The following CAMTA1 variants were observed in gnomAD, a reference collection of about 807,000 sequenced individuals.
CAMTA1 encodes calmodulin-binding transcription activator 1.
In CAMTA1, 27 loss-of-function variants were observed where a neutral mutation model predicts 170.9. That is an observed-to-expected ratio of 0.16 (90% CI 0.12 to 0.22). CAMTA1 has a LOEUF of 0.22. CAMTA1 is among the 10% of genes least tolerant of loss of function. CAMTA1 has a pLI of 1.00. For missense variants in CAMTA1, 1,619 were observed against 2,217.2 expected (o/e 0.73, Z 5.42); for synonymous variants, 833 against 891.5 (o/e 0.93, Z 1.17).
At chr1:7,107,277 C>CGT (rs767461350) in intron 4 of CAMTA1, among the ~76,000 whole-genome samples, 3 of 14,044 alleles carry the variant, frequency 2.1e-4, no homozygotes, top group Admixed American at 1.9e-3. Flanking sequence ...TGTGTGTGTG[C>CGT]ATGTGTGTGT....
At chr1:7,488,569 T>C (rs1405488179) in intron 6 of CAMTA1, among the ~76,000 whole-genome samples, 1 of 151,736 alleles carries the variant, frequency 6.6e-6, no homozygotes, top group Admixed American at 6.6e-5. Flanking sequence ...TGCATGCACA[T>C]ACATCTGTAC....
chr1:7,493,285 GCA>G (rs138739262), intron 6 of CAMTA1, among the ~76,000 whole-genome samples: 14 of 143,702 alleles, frequency 9.7e-5, no homozygotes, highest in East Asian at 7.9e-4. Flanking sequence ...ACATACACGC[GCA>G]CAAACACAAA....
At chr1:7,367,309 T>C (rs1467846356) in intron 5 of CAMTA1, among the ~76,000 whole-genome samples, 1 of 152,266 alleles carries the variant, frequency 6.6e-6, no homozygotes, top group Non-Finnish European at 1.5e-5. Context: ...GAAAGAGCTA[T>C]AAGCTCCCCT....
intron 1 of CAMTA1, among the ~76,000 whole-genome samples, chr1:6,791,983 T>G (rs1641233803): frequency 6.6e-6 from 1 of 152,042 alleles, no homozygotes; most frequent in Non-Finnish European, 1.5e-5. Context: ...TTTTTTTTTT[T>G]TTGAGGCTGA....
In CAMTA1 at chr1:7,641,743, C is replaced by G. The variant is rs2095762708; in HGVS notation, c.664+1190C>G. Among the ~76,000 whole-genome samples, 1 of 152,114 alleles carries G rather than the reference C, an allele frequency of 6.6e-6. No individual in the cohort carries two copies. The highest frequency in any genetic ancestry group is 6.5e-5 in the Admixed American group (1 of 15,284). On this transcript the variant is annotated intron_variant, in intron 7 of 22. Coordinates refer to ENST00000303635, the MANE Select transcript of CAMTA1 (RefSeq NM_015215.4). The surrounding 1 kb of genome is among the most constrained non-coding windows in gnomAD (Gnocchi z 4.5). ...CGTGTCGTCCTTTGAGCCAAGTACC[C>G]CGTGGGGAGGTTTGGACCAGGCTTG...
intron 3 of CAMTA1, among the ~76,000 whole-genome samples, chr1:6,990,167 G>A (rs1696118249): frequency 6.6e-6 from 1 of 152,180 alleles, no homozygotes; most frequent in Non-Finnish European, 1.5e-5. Flanking sequence ...GTGGATATTG[G>A]TAGGTCACCA....
intron 1 of CAMTA1, among the ~76,000 whole-genome samples, chr1:6,796,132 CTTTTTTT>C (rs978363793): frequency 6.8e-4 from 48 of 70,956 alleles, no homozygotes; most frequent in Admixed American, 2.2e-3. Context: ...AATAGCATTT[CTTTTTTT>C]TTTTTTTTTT....
At chr1:7,061,620 C>T (rs1354353065) in intron 3 of CAMTA1, among the ~76,000 whole-genome samples, 1 of 150,652 alleles carries the variant, frequency 6.6e-6, no homozygotes, top group Non-Finnish European at 1.5e-5. Context: ...GAGGAACAGG[C>T]AGATATTCAC....
chr1:7,484,239 G>T (rs138958301), intron 6 of CAMTA1, among the ~76,000 whole-genome samples: 368 of 152,254 alleles, frequency 2.4e-3, no homozygotes, highest in African/African-American at 8.2e-3. Flanking sequence ...CCCTCGGGGG[G>T]CTCACCAGCC....
intron 3 of CAMTA1, among the ~76,000 whole-genome samples, chr1:7,011,450 C>A (rs1453388529): frequency 6.6e-6 from 1 of 152,156 alleles, no homozygotes; most frequent in African/African-American, 2.4e-5. Context: ...ATCTTTCTAG[C>A]GCCCTCTGAG....
intron 9 of CAMTA1, among the ~76,000 whole-genome samples, chr1:7,667,622 A>T (rs1445966687): frequency 6.6e-6 from 1 of 151,950 alleles, no homozygotes; most frequent in Non-Finnish European, 1.5e-5. Context: ...GCAGACCCAC[A>T]CCCCAGCCTC....
chr1:6,829,326 G>A (rs1320213110), intron 3 of CAMTA1, among the ~76,000 whole-genome samples: 2 of 152,210 alleles, frequency 1.3e-5, no homozygotes, highest in African/African-American at 4.8e-5. Flanking sequence ...GAGATCGTTG[G>A]ACCTACTTAA....
chr1:7,345,473 G>A (rs960805025), intron 5 of CAMTA1, among the ~76,000 whole-genome samples: 2 of 152,232 alleles, frequency 1.3e-5, no homozygotes, highest in Non-Finnish European at 2.9e-5. Context: ...TGACACATCA[G>A]CCATGGTGGG....
intron 5 of CAMTA1, among the ~76,000 whole-genome samples, chr1:7,278,232 G>T (rs1671022250): frequency 1.3e-5 from 2 of 152,182 alleles, no homozygotes; most frequent in South Asian, 4.1e-4. Flanking sequence ...ACAGGACTTG[G>T]CGCAGGGTGG....
chr1:6,944,989 C>T (rs1285092084), intron 3 of CAMTA1, among the ~76,000 whole-genome samples: 1 of 152,168 alleles, frequency 6.6e-6, no homozygotes, highest in Non-Finnish European at 1.5e-5. Flanking sequence ...GACGTAGCCC[C>T]ATCGTACGTC....
intron 4 of CAMTA1, among the ~76,000 whole-genome samples, chr1:7,222,722 A>G (rs1027278217): frequency 6.6e-6 from 1 of 152,184 alleles, no homozygotes; most frequent in African/African-American, 2.4e-5. Context: ...CAACGGTCCC[A>G]CCTGATGGCA....
At chr1:7,419,908 C>A (rs1376417071) in intron 5 of CAMTA1, among the ~76,000 whole-genome samples, 1 of 152,156 alleles carries the variant, frequency 6.6e-6, no homozygotes, top group Non-Finnish European at 1.5e-5. Flanking sequence ...TTCTCACCAC[C>A]CCTGCAGTTT....
chr1:7,572,684 C>T (rs780532990), intron 6 of CAMTA1, among the ~76,000 whole-genome samples: 1 of 152,166 alleles, frequency 6.6e-6, no homozygotes, highest in Non-Finnish European at 1.5e-5. Flanking sequence ...TGAGCTCCAT[C>T]CCCGTGACTC....
At chr1:7,283,851 C>G (rs1671860175) in intron 5 of CAMTA1, among the ~76,000 whole-genome samples, 1 of 152,170 alleles carries the variant, frequency 6.6e-6, no homozygotes, top group South Asian at 2.1e-4. Flanking sequence ...CTTGCCCCAG[C>G]CTGTTCTCCA....
Sources: allele counts gnomAD v4.1 joint callset (sites outside exome capture counted in the v4.1 genomes callset), GRCh38; gene constraint gnomAD v4.1.1; non-coding constraint Gnocchi (gnomAD v3.1); transcripts MANE v1.5; gene names NCBI Gene and HGNC (gene_info 2026-07-23, HGNC 2026-07-21).